Variants in ESRRG observed in about 807,000 individuals in gnomAD.
ESRRG encodes estrogen related receptor gamma.
A neutral mutation model predicts 44.0 loss-of-function variants in ESRRG; 13 were observed. The ratio of observed to expected loss-of-function variants is 0.30; its 90% CI spans 0.19 to 0.47. ESRRG has a LOEUF of 0.47. ESRRG is among the 20% of genes least tolerant of loss of function. The pLI is 1.00. For synonymous variants in ESRRG, 215 were observed against 214.6 expected, an observed-to-expected ratio of 1.00 and a Z score of -0.02; for missense variants, 395 against 580.6, an observed-to-expected ratio of 0.68 and a Z score of 3.29.
intron 2 of ESRRG, among the ~76,000 whole-genome samples, chr1:216,793,572 C>G (rs1385106492): frequency 1.3e-5 from 2 of 152,128 alleles, no homozygotes; most frequent in African/African-American, 4.8e-5. Context: ...GACTGCAGCC[C>G]TGCCCAACAC....
At chr1:216,963,760 G>T (rs1390047232) in intron 1 of ESRRG, among the ~76,000 whole-genome samples, 1 of 152,096 alleles carries the variant, frequency 6.6e-6, no homozygotes, top group Non-Finnish European at 1.5e-5. Flanking sequence ...TTTGTGCAGG[G>T]CTCTATGGAA....
chr1:217,118,604 C>A (rs1269707967), intron 1 of ESRRG, among the ~76,000 whole-genome samples: 2 of 152,100 alleles, frequency 1.3e-5, no homozygotes, highest in Non-Finnish European at 2.9e-5. Context: ...ATCACACATG[C>A]AAAAAGAATG....
chr1:216,877,752 T>C (rs1559957543), intron 2 of ESRRG, among the ~76,000 whole-genome samples: 1 of 152,094 alleles, frequency 6.6e-6, no homozygotes, highest in Non-Finnish European at 1.5e-5. Flanking sequence ...ATGTAAATGG[T>C]ATTGTGTTGT....
intron 3 of ESRRG, among the ~76,000 whole-genome samples, chr1:216,613,016 T>A (rs892401543): frequency 1.2e-4 from 19 of 152,330 alleles, no homozygotes; most frequent in Admixed American, 5.9e-4. Context: ...CTTTTCGAAT[T>A]GAACTGTAAA....
rs147923058 is a variant in ESRRG at position 216,519,814 on chromosome 1, TA to T, written c.863-394del. The stretch of plus-strand genomic sequence containing the variant: ...CTACTATTGGTAAACAACATAAAAG[TA>T]AAAAAAAAAAAAAGAAGAAGAAGGA... On this transcript the variant is annotated intron_variant, in intron 5 of 6. Coordinates refer to ENST00000408911, the MANE Select transcript of ESRRG (RefSeq NM_001438.4). Among the ~76,000 whole-genome samples the T allele has an allele frequency of 9.6e-3, 1,145 of 118,876 alleles. 14 individuals carry two copies. Among genetic ancestry groups the T allele is most frequent in the African/African-American group, 0.028 (940 of 33,468 alleles). The allele number at this position is 118,876 out of a possible 152,430, so 78.0% of individuals were successfully genotyped here.
At chr1:216,667,685 C>CA (rs67275285) in intron 2 of ESRRG, among the ~76,000 whole-genome samples, 1,849 of 66,106 alleles carry the variant, frequency 0.028, 86 homozygotes, top group Non-Finnish European at 0.035. Flanking sequence ...GACTCCATCT[C>CA]AAAAAAAAAA....
intron 3 of ESRRG, among the ~76,000 whole-genome samples, chr1:216,606,363 T>A (rs2059934260): frequency 6.6e-6 from 1 of 152,220 alleles, no homozygotes; most frequent in African/African-American, 2.4e-5. Context: ...AAATTAAACA[T>A]GTACAATGGA....
chr1:216,761,555 G>C (rs2092773770), intron 2 of ESRRG, among the ~76,000 whole-genome samples: 1 of 152,084 alleles, frequency 6.6e-6, no homozygotes, highest in African/African-American at 2.4e-5. Flanking sequence ...GCTGACTTGG[G>C]TTCACTGTAT....
intron 1 of ESRRG, among the ~76,000 whole-genome samples, chr1:217,061,750 C>T (rs2088554402): frequency 6.6e-6 from 1 of 152,092 alleles, no homozygotes; most frequent in African/African-American, 2.4e-5. Context: ...AATTTAATGC[C>T]AAGATACCTC....
At chr1:216,745,492 G>A (rs1224790938) in intron 2 of ESRRG, among the ~76,000 whole-genome samples, 1 of 152,086 alleles carries the variant, frequency 6.6e-6, no homozygotes, top group African/African-American at 2.4e-5. Context: ...TGCCCAATAT[G>A]TTTTTGCTTC....
chr1:216,687,628 C>T (rs1009894441), intron 1 of ESRRG, among the ~76,000 whole-genome samples: 40 of 152,134 alleles, frequency 2.6e-4, no homozygotes, highest in African/African-American at 9.7e-4. Flanking sequence ...TTCAGTGCTC[C>T]TGGTCTCTCA....
chr1:216,569,954 C>T (rs751486283), intron 3 of ESRRG, among the ~76,000 whole-genome samples: 20 of 152,052 alleles, frequency 1.3e-4, no homozygotes, highest in Non-Finnish European at 2.1e-4. Context: ...ATTAATGTCA[C>T]GCAGAATATG....
chr1:216,596,176 T>A (rs2058408057), intron 3 of ESRRG, among the ~76,000 whole-genome samples: 1 of 152,164 alleles, frequency 6.6e-6, no homozygotes, highest in Non-Finnish European at 1.5e-5. Context: ...AGCCGTCACT[T>A]TACCCTGTGT....
At chr1:216,865,626 G>T (rs989911422) in intron 2 of ESRRG, among the ~76,000 whole-genome samples, 2 of 152,132 alleles carry the variant, frequency 1.3e-5, no homozygotes, top group African/African-American at 4.8e-5. Context: ...CACTTGTTTA[G>T]CACTTGGAAC....
intron 5 of ESRRG, among the ~76,000 whole-genome samples, chr1:216,541,561 AGTGTGTGTGTGTGTGTGTGTGT>A (rs34245595): frequency 2.3e-5 from 3 of 130,406 alleles, no homozygotes; most frequent in South Asian, 2.6e-4. Flanking sequence ...TCTTTTGGTT[AGTGTGTGTGTGTGTGTGTGTGT>A]GTGTGTGTGT....
chr1:216,529,966 G>T (rs1558293776), intron 5 of ESRRG, among the ~76,000 whole-genome samples: 1 of 151,994 alleles, frequency 6.6e-6, no homozygotes, highest in East Asian at 1.9e-4. Context: ...ATAAAAATTA[G>T]CTGGGCATAG....
In ESRRG at chr1:217,110,842, C is replaced by A. The variant is rs747208081; in HGVS notation, c.-230+26825G>T. Among the ~76,000 whole-genome samples, 20 of 152,244 alleles carry A rather than the reference C, an allele frequency of 1.3e-4. 1 individual carries two copies. In the South Asian group the frequency reaches 2.3e-3, roughly 17 times the overall value. Reference sequence around the variant, plus strand: ...ATATTGCTCGATATCATCCTCCCAACCTGGCTTATTATATTGCTGACCATA... The same window carrying A: ...ATATTGCTCGATATCATCCTCCCAAACTGGCTTATTATATTGCTGACCATA... On this transcript the variant is annotated intron_variant, in intron 1 of 8. Coordinates refer to the ESRRG transcript ENST00000366940.
intron 2 of ESRRG, among the ~76,000 whole-genome samples, chr1:216,652,101 T>C (rs2069133283): frequency 6.6e-6 from 1 of 152,184 alleles, no homozygotes; most frequent in East Asian, 1.9e-4. Context: ...AAATGCATTC[T>C]GTTTATTGCC....
At chr1:216,732,646 G>A (rs991671494) in intron 2 of ESRRG, among the ~76,000 whole-genome samples, 12 of 151,712 alleles carry the variant, frequency 7.9e-5, no homozygotes, top group African/African-American at 2.7e-4. Context: ...TGTACAATAC[G>A]AAAAGGAAAC....
Sources: gnomAD v4.1 joint callset for allele counts (sites outside exome capture counted in the v4.1 genomes callset) on GRCh38, gnomAD v4.1.1 for gene constraint, MANE v1.5 for transcripts, NCBI Gene and HGNC (gene_info 2026-07-23, HGNC 2026-07-21) for gene names.